Variants in PDXDC1 observed in about 807,000 individuals in gnomAD.
PDXDC1 encodes the protein pyridoxal-dependent decarboxylase domain-containing protein 1.
In PDXDC1, 42 loss-of-function variants were observed where a neutral mutation model predicts 100.1. The ratio of observed to expected loss-of-function variants is 0.42; its 90% CI spans 0.33 to 0.54. The LOEUF (loss-of-function observed/expected upper bound fraction) is 0.54. Ranked by LOEUF, PDXDC1 falls within the 20% of genes least tolerant of loss-of-function variation. The pLI is 0.10. For missense variants in PDXDC1, 636 were observed against 979.2 expected (o/e 0.65, Z 4.68); for synonymous variants, 260 against 371.7 (o/e 0.70, Z 3.46).
intron 16 of PDXDC1, chr16:15,047,569 A>C: frequency 7.1e-6 from 11 of 1,557,694 alleles, no homozygotes; most frequent in Non-Finnish European, 9.7e-6. Flanking sequence ...CAAGGGTGAA[A>C]GGACTCAAGT....
In PDXDC1 at chr16:15,034,559, A is replaced by C; in HGVS notation, c.2002+6A>C. 6.2e-7 allele frequency: 1 copy of C among 1,606,658 alleles called. No individual in the cohort carries two copies. On this transcript the variant is annotated splice_donor_region_variant and intron_variant, in intron 21 of 22. Coordinates refer to ENST00000396410, the MANE Select transcript of PDXDC1 (RefSeq NM_015027.4). Reference sequence around the variant, plus strand: ...AACTTTTAACTTGACAGCAGGTAGGACGGCATAGCCTCTTCCCAGGTCTTG... The same window carrying C: ...AACTTTTAACTTGACAGCAGGTAGGCCGGCATAGCCTCTTCCCAGGTCTTG...
At chr16:15,062,677 T>C (rs1046256087) in intron 16 of PDXDC1, among the ~76,000 whole-genome samples, 2 of 152,104 alleles carry the variant, frequency 1.3e-5, no homozygotes, top group Non-Finnish European at 2.9e-5. Context: ...TGTTACTTGG[T>C]AAGAATGCGC....
chr16:15,037,161 G>T lies in PDXDC1; in HGVS notation c.*886G>T, dbSNP rs781471509. The T allele has an allele frequency of 6.6e-6, 1 of 152,194 alleles. No homozygotes were observed. The allele number at this position is 152,194 out of a possible 1,614,324, so 9.4% of individuals were successfully genotyped here. A position where few individuals can be genotyped will look rare whatever the true frequency, so the allele number is the denominator to read the frequency against. On this transcript the variant is annotated 3_prime_UTR_variant, in exon 23 of 23. Transcript: ENST00000396410. ...GAAGCTTCTACTGCCCTGGCAGCTC[G>T]CCTGGGCCCAACTCAGAAACAGGAG...
chr16:15,083,775 G>A, intron 16 of PDXDC1: 1 of 614,982 alleles, frequency 1.6e-6, no homozygotes, highest in South Asian at 2.0e-5. Context: ...GGAGTGCAGT[G>A]GCGCAATCTC....
At chr16:15,089,572 G>C (rs534426592) in intron 16 of PDXDC1, among the ~76,000 whole-genome samples, 1 of 151,978 alleles carries the variant, frequency 6.6e-6, no homozygotes, top group Non-Finnish European at 1.5e-5. Flanking sequence ...AGGCCAAGGC[G>C]GGCGGATCAC....
Position 15,135,289 on chromosome 16 carries a change from G to C in PDXDC1, c.1400-3590G>C, listed in dbSNP as rs923350606. On this transcript the variant is annotated intron_variant, in intron 16 of 16. Coordinates refer to the PDXDC1 transcript ENST00000535621. ...GGCGGGCGGCACCCACCGTCTGGTT[G>C]GTGGCCTCCTCCTTGCGGCCGGCCT... 61 of 1,463,712 alleles carry C rather than the reference G, an allele frequency of 4.2e-5. No homozygotes were observed. The African/African-American group carries it at 8.1e-4, about 19-fold the overall frequency. The allele number at this position is 1,463,712 out of a possible 1,614,324, so 90.7% of individuals were successfully genotyped here.
chr16:15,102,316 C>A (rs578192772), intron 16 of PDXDC1, among the ~76,000 whole-genome samples: 1 of 152,120 alleles, frequency 6.6e-6, no homozygotes, highest in African/African-American at 2.4e-5. Flanking sequence ...CATTATAAAC[C>A]TGCCCTGAAG....
chr16:15,034,119 G>T, intron 19 of PDXDC1, 167 bp from the exon 20 acceptor site: 1 of 620,418 alleles, frequency 1.6e-6, no homozygotes. Context: ...GCCTCTATGA[G>T]CATGTTATCT....
At chr16:15,021,991 T>C (rs1335142925) in intron 12 of PDXDC1, among the ~76,000 whole-genome samples, 1 of 152,294 alleles carries the variant, frequency 6.6e-6, no homozygotes, top group Admixed American at 6.5e-5. Context: ...GAATTAATTT[T>C]CTTTAAGAAA....
At chr16:15,144,292 G>A (rs1229339085), downstream of PDXDC1, among the ~76,000 whole-genome samples, 1 of 152,220 alleles carries the variant, frequency 6.6e-6, no homozygotes, top group East Asian at 1.9e-4. Context: ...CCTCTGCGCT[G>A]TGCTCCTTTC....
At chr16:15,149,019 G>A in the PDXDC1 span, among the ~76,000 whole-genome samples, 4 of 152,222 alleles carry the variant, frequency 2.6e-5, no homozygotes, top group Admixed American at 2.0e-4. Flanking sequence ...CGGGAGCCAC[G>A]TAAGACCCGG....
At position 15,036,219 on chromosome 16, in the gene PDXDC1, G is replaced by T; in HGVS notation, c.2311G>T (p.Val771Phe). The part of the protein sequence containing the change: ...TDQTEAFQKG[V>F]PHPEDDHSQV... ...CCAGACCGAGGCCTTCCAGAAAGGG[G>T]TCCCACACCCAGAAGATGACCACTC... Residue 771 changes from valine to phenylalanine, a missense_variant, in exon 23 of 23, where the codon GTC (valine) becomes TTC (phenylalanine). This residue lies in a region of PDXDC1 where 452 missense variants were observed against 402.9 expected (regional missense o/e 1.12). Transcript: ENST00000396410. 1 of 1,614,080 alleles carries T rather than the reference G, an allele frequency of 6.2e-7. No individual in the cohort carries two copies. Among genetic ancestry groups the T allele is most frequent in the Non-Finnish European group, 8.5e-7 (1 of 1,179,972 alleles).
chr16:15,008,972 C>G (rs1292787202), intron 7 of PDXDC1, 125 bp downstream of exon 7: 3 of 971,784 alleles, frequency 3.1e-6, no homozygotes, highest in Non-Finnish European at 3.2e-6. Context: ...TGGATCCTTA[C>G]ATTGTGTAAT....
At chr16:15,104,351 T>A in intron 16 of PDXDC1, 2 of 1,596,478 alleles carry the variant, frequency 1.3e-6, no homozygotes, top group Non-Finnish European at 1.7e-6. Flanking sequence ...TCTTCGTTAG[T>A]TTCTTCAGAT....
intron 14 of PDXDC1, among the ~76,000 whole-genome samples, chr16:15,027,235 C>T (rs373498475): frequency 5.2e-5 from 8 of 152,408 alleles, no homozygotes; most frequent in Non-Finnish European, 7.3e-5. Context: ...TTGTCCCCCT[C>T]GCAGGGCATG....
chr16:14,995,016 C>T (rs1447135953), intron 1 of PDXDC1, among the ~76,000 whole-genome samples: 1 of 152,288 alleles, frequency 6.6e-6, no homozygotes, highest in African/African-American at 2.4e-5. Context: ...GCTGAAGTTG[C>T]CTATCAGTTT....
chr16:15,018,272 G>A (rs1215965810), intron 11 of PDXDC1, among the ~76,000 whole-genome samples: 3 of 152,228 alleles, frequency 2.0e-5, no homozygotes, highest in Admixed American at 6.5e-5. Flanking sequence ...AGCTGGGCAT[G>A]GTGGTGTGAG....
intron 16 of PDXDC1, among the ~76,000 whole-genome samples, chr16:15,082,392 G>T (rs2045744503): frequency 6.6e-6 from 1 of 151,926 alleles, no homozygotes; most frequent in African/African-American, 2.4e-5. Context: ...CTCAATCTCG[G>T]CCGGTCACGG....
intron 21 of PDXDC1, among the ~76,000 whole-genome samples, chr16:15,035,007 G>T (rs1250743693): frequency 1.3e-5 from 2 of 152,224 alleles, no homozygotes; most frequent in Non-Finnish European, 2.9e-5. Context: ...TGGAATGTGG[G>T]GAGGGTGTTA....
Sources: allele counts gnomAD v4.1 joint callset (sites outside exome capture counted in the v4.1 genomes callset), GRCh38; gene constraint gnomAD v4.1.1; regional missense constraint gnomAD v4.1.1; transcripts MANE v1.5; gene names NCBI Gene and HGNC (gene_info 2026-07-23, HGNC 2026-07-21).